The following KNTC1 variants were observed in gnomAD, a reference collection of about 807,000 sequenced individuals.
KNTC1 encodes the protein kinetochore-associated protein 1.
A neutral mutation model predicts 314.4 loss-of-function variants in KNTC1; 253 were observed. That is an observed-to-expected ratio of 0.80 (90% CI 0.73 to 0.89). The LOEUF is 0.89. Ranked by LOEUF, KNTC1 falls within the 40% of genes least tolerant of loss-of-function variation. The pLI, the probability that KNTC1 is intolerant of heterozygous loss-of-function variation, is 0.00. For synonymous variants in KNTC1, 901 were observed against 901.4 expected, an observed-to-expected ratio of 1.00 and a Z score of 0.01; for missense variants, 2,475 against 2,572.9, an observed-to-expected ratio of 0.96 and a Z score of 0.82.
chr12:122,623,942 C>G (rs1221419619), intron 62 of KNTC1, among the ~76,000 whole-genome samples: 1 of 152,138 alleles, frequency 6.6e-6, no homozygotes. Flanking sequence ...GTGGCGCATG[C>G]CTGTAATCCC....
chr12:122,584,583 T>TGC (rs1210418348), intron 35 of KNTC1, 133 bp downstream of exon 35: 48 of 613,462 alleles, frequency 7.8e-5, no homozygotes, highest in Admixed American at 6.7e-5. Flanking sequence ...CACAAAGGGA[T>TGC]GCTTATAATT....
intron 52 of KNTC1, 45 bp downstream of exon 52, chr12:122,609,475 A>G: frequency 8.0e-7 from 1 of 1,255,448 alleles, no homozygotes; most frequent in African/African-American, 1.5e-5. Context: ...GTGATGCAAA[A>G]TAGAAATCTT....
intron 4 of KNTC1, 110 bp downstream of exon 4, chr12:122,538,564 G>GT (rs1962035831): frequency 3.2e-6 from 2 of 630,800 alleles, no homozygotes; most frequent in East Asian, 5.8e-5. Flanking sequence ...TTAAAGCAAT[G>GT]TTTTTTTGAA....
At chr12:122,622,713 C>T in intron 62 of KNTC1, 106 bp downstream of exon 62, 1 of 914,650 alleles carries the variant, frequency 1.1e-6, no homozygotes, top group Non-Finnish European at 1.6e-6. Flanking sequence ...CTTTGGGAAG[C>T]TGAGGTGGGT....
intron 37 of KNTC1, 21 bp downstream of exon 37, chr12:122,585,795 T>C: frequency 6.2e-7 from 1 of 1,609,810 alleles, no homozygotes; most frequent in African/African-American, 1.3e-5. Flanking sequence ...TTTGTATCAT[T>C]ATTTTCTATG....
rs1196017582 is a variant in KNTC1, at chr12:122,584,218, G to A, written c.3264-60G>A. 5 of 1,164,044 alleles carry A rather than the reference G, an allele frequency of 4.3e-6. 1 individual carries two copies. In the South Asian group the frequency reaches 6.9e-5, roughly 16 times the overall value. 72.1% of individuals were successfully genotyped at this position (1,164,044 alleles called of 1,614,324 possible). ...GGTGGTGATATATTAATCCAAGAAA[G>A]GCCATGCGTTCACTTTCAATGTGAG... On this transcript the variant is annotated intron_variant, in intron 34 of 63. Transcript: ENST00000333479.
intron 16 of KNTC1, among the ~76,000 whole-genome samples, chr12:122,552,440 C>A (rs1428269468): frequency 6.6e-6 from 1 of 152,174 alleles, no homozygotes; most frequent in Non-Finnish European, 1.5e-5. Context: ...TCACAGCTTA[C>A]CGCAGCCTTG....
At chr12:122,555,729 G>T (rs1565950911) in intron 16 of KNTC1, among the ~76,000 whole-genome samples, 1 of 151,820 alleles carries the variant, frequency 6.6e-6, no homozygotes, top group Non-Finnish European at 1.5e-5. Context: ...GGCACCTGTA[G>T]TCCTAGCTAC....
intron 62 of KNTC1, among the ~76,000 whole-genome samples, chr12:122,623,096 C>T (rs1874614974): frequency 6.6e-6 from 1 of 152,138 alleles, no homozygotes; most frequent in Non-Finnish European, 1.5e-5. Flanking sequence ...TGGAATATGA[C>T]CTTAGAATCT....
At chr12:122,546,366 C>A in intron 9 of KNTC1, 97 bp downstream of exon 9, 1 of 760,108 alleles carries the variant, frequency 1.3e-6, no homozygotes, top group South Asian at 1.7e-5. Flanking sequence ...TTTTACCCTA[C>A]CACTCTTTGA....
At chr12:122,575,998 G>A (rs1475641630) in intron 29 of KNTC1, 99 bp downstream of exon 29, 11 of 1,367,120 alleles carry the variant, frequency 8.0e-6, no homozygotes, top group Non-Finnish European at 9.7e-6. Flanking sequence ...AATAGAGCTA[G>A]GTTTTTCCAC....
Position 122,613,661 on chromosome 12 carries a change from T to C in KNTC1, c.5777T>C (p.Phe1926Ser). ...YLRCITFLAS[F>S]ETLNIPITYE... is the part of the protein sequence containing the mutation. ...AGATGTATAACTTTTCTGGCATCAT[T>C]TGAGACTTTGAATATCCCCATCACA... The change falls in exon 55 of 64, where the codon TTT (phenylalanine) becomes TCT (serine). Residue 1926 changes from phenylalanine to serine, a missense_variant. Coordinates refer to ENST00000333479, the MANE Select transcript of KNTC1 (RefSeq NM_014708.6). 1 of 1,612,208 alleles carries C rather than the reference T, an allele frequency of 6.2e-7. No individual in the cohort carries two copies. Among genetic ancestry groups the C allele is most frequent in the Non-Finnish European group, 8.5e-7 (1 of 1,179,268 alleles).
chr12:122,621,886 TC>T lies in KNTC1; in HGVS notation c.6286del (p.Leu2096TrpfsTer10). The T allele has an allele frequency of 6.3e-7, 1 of 1,588,068 alleles. No homozygotes were observed. On this transcript the variant is annotated frameshift_variant, in exon 61 of 64. Transcript: ENST00000333479. LOFTEE classifies it high-confidence loss of function. ...EKRHQQIKNF[L>X]GSCDPQVILK... ...CTGCTTTGATTTTTCTCTAGAATTT[TC>T]TGGGTTCCTGTGACCCTCAGGTTAT...
intron 20 of KNTC1, among the ~76,000 whole-genome samples, chr12:122,565,092 T>G (rs1322999699): frequency 1.3e-5 from 2 of 152,140 alleles, no homozygotes; most frequent in Non-Finnish European, 2.9e-5. Context: ...GTTTTTTTGC[T>G]AATCTGATGT....
intron 24 of KNTC1, among the ~76,000 whole-genome samples, chr12:122,572,487 A>G (rs1964759584): frequency 6.6e-6 from 1 of 152,216 alleles, no homozygotes; most frequent in Non-Finnish European, 1.5e-5. Context: ...CCTTTTCTAT[A>G]TAAGAGCTTT....
chr12:122,537,703 C>G (rs1280523204), intron 3 of KNTC1, among the ~76,000 whole-genome samples: 4 of 151,906 alleles, frequency 2.6e-5, no homozygotes, highest in Non-Finnish European at 5.9e-5. Flanking sequence ...CAGGTGTGAG[C>G]CACCACGCCT....
Position 122,620,186 on chromosome 12 carries a change from A to G in KNTC1, c.6150-293A>G, listed in dbSNP as rs1291495569. On this transcript the variant is annotated intron_variant, in intron 59 of 63. Coordinates refer to ENST00000333479, the MANE Select transcript of KNTC1 (RefSeq NM_014708.6). ...TGTTTCTCAAAAAAAAAAAAAAAAA[A>G]GGTTTTGAGTCTTCTGAGAATTTAG... 1.8e-5 allele frequency: 3 copies of G among 168,846 alleles called. No individual in the cohort carries two copies. In the Admixed American group the frequency reaches 1.9e-4, roughly 11 times the overall value. 10.5% of individuals were successfully genotyped at this position (168,846 alleles called of 1,614,324 possible). A position where few individuals can be genotyped will look rare whatever the true frequency, so the allele number is the denominator to read the frequency against.
At chr12:122,542,889 A>T (rs1000977842) in intron 6 of KNTC1, among the ~76,000 whole-genome samples, 1 of 152,074 alleles carries the variant, frequency 6.6e-6, no homozygotes, top group Non-Finnish European at 1.5e-5. Flanking sequence ...GGTATTTAAC[A>T]TTTTGTTTTA....
At chr12:122,618,273 A>G (rs1873986595) in intron 57 of KNTC1, 70 bp from the exon 58 acceptor site, 1 of 1,410,280 alleles carries the variant, frequency 7.1e-7, no homozygotes, top group East Asian at 2.3e-5. Context: ...CGCCTGGCCT[A>G]GACTGCAAAT....
Sources: allele counts gnomAD v4.1 joint callset (sites outside exome capture counted in the v4.1 genomes callset), GRCh38; gene constraint gnomAD v4.1.1; transcripts MANE v1.5; gene names NCBI Gene and HGNC (gene_info 2026-07-23, HGNC 2026-07-21).